Variants in GTF2F2 observed in about 807,000 individuals in gnomAD.
GTF2F2 encodes ATP-dependent helicase GTF2F2.
A neutral mutation model predicts 42.2 loss-of-function variants in GTF2F2; 23 were observed. The ratio of observed to expected loss-of-function variants is 0.55; its 90% CI spans 0.39 to 0.77. The LOEUF is 0.77. Among genes scored for constraint, GTF2F2 ranks in the 30% least tolerant of loss-of-function variants. The pLI is 0.00. For synonymous variants in GTF2F2, 105 were observed against 100.8 expected, an observed-to-expected ratio of 1.04 and a Z score of -0.25; for missense variants, 261 against 287.2, an observed-to-expected ratio of 0.91 and a Z score of 0.66.
chr13:45,194,699 G>T (rs1049761734), intron 4 of GTF2F2: 5 of 803,690 alleles, frequency 6.2e-6, no homozygotes, highest in Non-Finnish European at 6.0e-6. Context: ...CATCGCCTGC[G>T]CTGTCAGCTC....
intron 7 of GTF2F2, among the ~76,000 whole-genome samples, chr13:45,275,288 A>G (rs1464321368): frequency 1.3e-5 from 2 of 152,154 alleles, no homozygotes; most frequent in Non-Finnish European, 2.9e-5. Context: ...CAAGTTCTGG[A>G]TATAAAATGG....
chr13:45,215,404 T>C (rs1324068537), intron 5 of GTF2F2, among the ~76,000 whole-genome samples: 4 of 152,208 alleles, frequency 2.6e-5, no homozygotes, highest in African/African-American at 9.6e-5. Flanking sequence ...AGTATAAAAA[T>C]ACCTTTGGAA....
At chr13:45,204,959 A>G (rs1425750598) in intron 4 of GTF2F2, among the ~76,000 whole-genome samples, 1 of 152,152 alleles carries the variant, frequency 6.6e-6, no homozygotes, top group Non-Finnish European at 1.5e-5. Flanking sequence ...GCCAAGTTGT[A>G]ATGGGCAGTT....
chr13:45,185,059 G>C (rs1872353698), intron 4 of GTF2F2, among the ~76,000 whole-genome samples: 1 of 152,140 alleles, frequency 6.6e-6, no homozygotes, highest in South Asian at 2.1e-4. Context: ...CTGGGCTCAA[G>C]TGATCCTCCA....
intron 7 of GTF2F2, among the ~76,000 whole-genome samples, chr13:45,277,967 G>A (rs1030067839): frequency 1.3e-5 from 2 of 152,140 alleles, no homozygotes; most frequent in African/African-American, 2.4e-5. Flanking sequence ...TTAGTAGTTG[G>A]TGATCATCTC....
intron 1 of GTF2F2, among the ~76,000 whole-genome samples, chr13:45,131,162 C>T (rs1234395973): frequency 7.9e-5 from 12 of 151,210 alleles, no homozygotes; most frequent in African/African-American, 1.9e-4. Flanking sequence ...GAGCCGAGAT[C>T]GCGCCATTGC....
At chr13:45,274,057 A>G (rs944234336) in intron 7 of GTF2F2, among the ~76,000 whole-genome samples, 2 of 152,100 alleles carry the variant, frequency 1.3e-5, no homozygotes, top group Non-Finnish European at 2.9e-5. Context: ...GGATAAACCA[A>G]CTGGCAGAGG....
intron 4 of GTF2F2, among the ~76,000 whole-genome samples, chr13:45,201,082 AC>A (rs2138182822): frequency 6.6e-6 from 1 of 152,336 alleles, no homozygotes; most frequent in South Asian, 2.1e-4. Flanking sequence ...TTCCTAACAT[AC>A]TTGATTTCAT....
intron 1 of GTF2F2, among the ~76,000 whole-genome samples, chr13:45,129,826 C>T (rs1869243288): frequency 6.6e-6 from 1 of 152,134 alleles, no homozygotes; most frequent in Non-Finnish European, 1.5e-5. Flanking sequence ...AAAAATAAAA[C>T]AAGGTCAAGG....
chr13:45,233,864 GATC>G, intron 5 of GTF2F2, among the ~76,000 whole-genome samples: 1 of 152,084 alleles, frequency 6.6e-6, no homozygotes, highest in Non-Finnish European at 1.5e-5. Flanking sequence ...AGTGAACCGA[GATC>G]ATGCCACCGC....
chr13:45,220,833 T>C (rs1281527643), intron 5 of GTF2F2: 1 of 152,114 alleles, frequency 6.6e-6, no homozygotes, highest in Non-Finnish European at 1.5e-5. Flanking sequence ...ACAATTCTTC[T>C]CCTTTGGTTA....
intron 5 of GTF2F2, among the ~76,000 whole-genome samples, chr13:45,210,532 C>T (rs562876324): frequency 6.6e-6 from 1 of 152,312 alleles, no homozygotes; most frequent in East Asian, 1.9e-4. Flanking sequence ...ATGTAGTTTA[C>T]TTATATTTAT....
chr13:45,171,782 A>G (rs533749306), intron 4 of GTF2F2, among the ~76,000 whole-genome samples: 11 of 152,138 alleles, frequency 7.2e-5, no homozygotes, highest in Admixed American at 2.6e-4. Flanking sequence ...CTCCCACGCC[A>G]TAGTCTACTT....
intron 1 of GTF2F2, among the ~76,000 whole-genome samples, chr13:45,134,598 G>A (rs753270869): frequency 5.1e-4 from 77 of 152,162 alleles, no homozygotes; most frequent in Admixed American, 1.0e-3. Flanking sequence ...TACAGTCATC[G>A]TAAGGAGTTT....
Position 45,185,895 on chromosome 13 carries a change from G to A in GTF2F2, c.305-21529G>A, listed in dbSNP as rs1057484788. 2.4e-4 allele frequency among the ~76,000 whole-genome samples: 36 copies of A among 151,736 alleles called. No individual in the cohort carries two copies. In the South Asian group the frequency reaches 2.5e-3, roughly 11 times the overall value. On this transcript the variant is annotated intron_variant, in intron 4 of 7. Coordinates refer to ENST00000340473, the MANE Select transcript of GTF2F2 (RefSeq NM_004128.3). ...TGGATTTCTCTTAAAATATCTTTGC[G>A]TAGATAGAAAAAAATATGTAAAAAT...
intron 7 of GTF2F2, among the ~76,000 whole-genome samples, chr13:45,279,121 C>T (rs1239854048): frequency 2.6e-5 from 4 of 152,136 alleles, no homozygotes; most frequent in African/African-American, 9.7e-5. Flanking sequence ...TCACACCCGG[C>T]GTAATATGCC....
At chr13:45,228,670 T>C (rs1325730842) in intron 5 of GTF2F2, among the ~76,000 whole-genome samples, 1 of 77,720 alleles carries the variant, frequency 1.3e-5, no homozygotes, top group Non-Finnish European at 2.4e-5. Context: ...AGAGTTAATC[T>C]TTTTTTTTTT....
intron 5 of GTF2F2, among the ~76,000 whole-genome samples, chr13:45,228,096 A>C (rs1286941600): frequency 2.7e-5 from 4 of 150,606 alleles, no homozygotes; most frequent in Admixed American, 6.6e-5. Context: ...ATTGGGCCAG[A>C]CTTACATTAG....
At chr13:45,144,842 T>C (rs1870115413) in intron 2 of GTF2F2, among the ~76,000 whole-genome samples, 1 of 152,178 alleles carries the variant, frequency 6.6e-6, no homozygotes, top group African/African-American at 2.4e-5. Context: ...TTTAGAACAG[T>C]GTTATACTGA....
Sources: gnomAD v4.1 joint callset for allele counts (sites outside exome capture counted in the v4.1 genomes callset) on GRCh38, gnomAD v4.1.1 for gene constraint, MANE v1.5 for transcripts, NCBI Gene and HGNC (gene_info 2026-07-23, HGNC 2026-07-21) for gene names.